CACNA2D1: variants seen among roughly 807,000 people sequenced by gnomAD.
The protein encoded by CACNA2D1 is voltage-dependent calcium channel subunit alpha-2/delta-1.
In CACNA2D1, 53 loss-of-function variants were observed where a neutral mutation model predicts 171.5. That is an observed-to-expected ratio of 0.31 (90% confidence interval 0.25 to 0.39). CACNA2D1 has a LOEUF of 0.39. Among genes scored for constraint, CACNA2D1 ranks in the 10% least tolerant of loss-of-function variants. The probability of loss-of-function intolerance (pLI) is 1.00; values close to 1 mark genes in which losing one functional copy is unlikely to be tolerated. For synonymous variants in CACNA2D1, 442 were observed against 443.1 expected, an observed-to-expected ratio of 1.00 and a Z score of 0.03; for missense variants, 903 against 1,299.8, an observed-to-expected ratio of 0.69 and a Z score of 4.69.
At chr7:82,195,696 T>C (rs556389671) in intron 3 of CACNA2D1, among the ~76,000 whole-genome samples, 1 of 151,318 alleles carries the variant, frequency 6.6e-6, no homozygotes, top group African/African-American at 2.4e-5. Flanking sequence ...ACAAAATCTC[T>C]ACCAAATTGA....
chr7:82,387,353 GA>G (rs1232699767), intron 1 of CACNA2D1, among the ~76,000 whole-genome samples: 2 of 151,802 alleles, frequency 1.3e-5, no homozygotes, highest in African/African-American at 4.9e-5. Context: ...TTTAAAAAAA[GA>G]AAGGCATTTT....
intron 4 of CACNA2D1, among the ~76,000 whole-genome samples, chr7:82,144,904 A>G (rs909009016): frequency 1.4e-5 from 2 of 144,940 alleles, no homozygotes; most frequent in African/African-American, 4.9e-5. Flanking sequence ...TCAATAATGT[A>G]TGGATTATAA....
intron 3 of CACNA2D1, among the ~76,000 whole-genome samples, chr7:82,198,516 A>G (rs923470593): frequency 6.6e-6 from 1 of 151,754 alleles, no homozygotes; most frequent in Non-Finnish European, 1.5e-5. Flanking sequence ...ATCCCACATC[A>G]CTTAATTCAG....
chr7:82,210,860 A>G (rs1800475993), intron 3 of CACNA2D1, among the ~76,000 whole-genome samples: 1 of 152,328 alleles, frequency 6.6e-6, no homozygotes, highest in African/African-American at 2.4e-5. Flanking sequence ...TAATATAGAA[A>G]TGCTCAACTC....
chr7:82,174,222 A>G (rs1796336234), intron 3 of CACNA2D1, among the ~76,000 whole-genome samples: 1 of 151,892 alleles, frequency 6.6e-6, no homozygotes, highest in African/African-American at 2.4e-5. Flanking sequence ...ACAGCATAAT[A>G]TAGTATCAGA....
chr7:82,333,632 A>T (rs972931846), intron 3 of CACNA2D1, among the ~76,000 whole-genome samples: 2 of 151,878 alleles, frequency 1.3e-5, no homozygotes, highest in Non-Finnish European at 2.9e-5. Flanking sequence ...AACACGTGGG[A>T]ATTATGGGAG....
intron 3 of CACNA2D1, among the ~76,000 whole-genome samples, chr7:82,238,494 T>G (rs1254020122): frequency 6.6e-6 from 1 of 151,958 alleles, no homozygotes; most frequent in Non-Finnish European, 1.5e-5. Context: ...CCAAAATCAC[T>G]AATCATTAGG....
At chr7:82,035,183 T>C (rs1803160766) in intron 11 of CACNA2D1, among the ~76,000 whole-genome samples, 1 of 152,098 alleles carries the variant, frequency 6.6e-6, no homozygotes, top group Admixed American at 6.6e-5. Context: ...ATATATACAC[T>C]CTATATAAAG....
chr7:81,986,660 TTCTCTA>T (rs1190980954), intron 21 of CACNA2D1, among the ~76,000 whole-genome samples: 2 of 152,196 alleles, frequency 1.3e-5, no homozygotes, highest in East Asian at 1.9e-4. Flanking sequence ...TCCCAAATCT[TTCTCTA>T]TTATTAAGTA....
chr7:82,181,927 A>AG (rs1317178297), intron 3 of CACNA2D1, among the ~76,000 whole-genome samples: 4 of 152,214 alleles, frequency 2.6e-5, no homozygotes, highest in Non-Finnish European at 5.9e-5. Flanking sequence ...TTACAATCAA[A>AG]TGTATATTGG....
At chr7:82,232,981 C>G (rs1803138590) in intron 3 of CACNA2D1, among the ~76,000 whole-genome samples, 1 of 145,260 alleles carries the variant, frequency 6.9e-6, no homozygotes, top group African/African-American at 2.6e-5. Context: ...AATTAATAAA[C>G]GAATTACACA....
intron 10 of CACNA2D1, among the ~76,000 whole-genome samples, chr7:82,054,063 T>C (rs919348573): frequency 6.6e-6 from 1 of 152,184 alleles, no homozygotes; most frequent in Admixed American, 6.5e-5. Flanking sequence ...TTTAACAACA[T>C]ATTTTTTTTA....
chr7:82,045,613 C>T (rs2131269482), intron 10 of CACNA2D1, among the ~76,000 whole-genome samples: 1 of 152,238 alleles, frequency 6.6e-6, no homozygotes, highest in African/African-American at 2.4e-5. Flanking sequence ...TTCCTTACAA[C>T]AAATTAAGAT....
chr7:82,390,903 T>C (rs1825049280), intron 1 of CACNA2D1, among the ~76,000 whole-genome samples: 1 of 152,212 alleles, frequency 6.6e-6, no homozygotes, highest in Non-Finnish European at 1.5e-5. Flanking sequence ...AGTAGCTCCA[T>C]TTACTAAGGG....
intron 2 of CACNA2D1, among the ~76,000 whole-genome samples, chr7:82,347,127 T>G (rs545884257): frequency 6.6e-6 from 1 of 152,268 alleles, no homozygotes; most frequent in African/African-American, 2.4e-5. Flanking sequence ...TCTTGATCTT[T>G]AACAGAAGAC....
chr7:82,093,292 T>C (rs1563035652), intron 6 of CACNA2D1, among the ~76,000 whole-genome samples: 1 of 152,172 alleles, frequency 6.6e-6, no homozygotes. Context: ...AGAATACTAC[T>C]TGTCATTTAG....
chr7:82,381,300 C>CG (rs1823686157), intron 1 of CACNA2D1, among the ~76,000 whole-genome samples: 1 of 131,258 alleles, frequency 7.6e-6, no homozygotes, highest in Admixed American at 8.8e-5. Context: ...GGCGAAAGAG[C>CG]GAGACTCTGT....
chr7:82,152,342 A>C (rs565889583), intron 4 of CACNA2D1, among the ~76,000 whole-genome samples: 3 of 150,636 alleles, frequency 2.0e-5, no homozygotes, highest in African/African-American at 7.3e-5. Flanking sequence ...ACCTTAAGAA[A>C]AGGTTAATAC....
intron 1 of CACNA2D1, among the ~76,000 whole-genome samples, chr7:82,426,156 T>TAAAG (rs1013141347): frequency 1.6e-5 from 2 of 127,248 alleles, no homozygotes; most frequent in Admixed American, 8.6e-5. Flanking sequence ...AATAAATAAA[T>TAAAG]AAATAAATAA....
Sources: gnomAD v4.1 joint callset for allele counts (sites outside exome capture counted in the v4.1 genomes callset) on GRCh38, gnomAD v4.1.1 for gene constraint, MANE v1.5 for transcripts, NCBI Gene and HGNC (gene_info 2026-07-23, HGNC 2026-07-21) for gene names.